The following GRIK4 variants were observed in gnomAD, a reference collection of about 807,000 sequenced individuals.
GRIK4 encodes glutamate ionotropic receptor kainate type subunit 4.
Under a neutral mutation model 104.9 loss-of-function variants are expected in GRIK4, and 40 were observed. The observed-to-expected ratio is 0.38, with a 90% CI of 0.30 to 0.50. The LOEUF is 0.50. Ranked by LOEUF, GRIK4 falls within the 20% of genes least tolerant of loss-of-function variation. GRIK4 has a pLI of 0.93. For synonymous variants in GRIK4, 485 were observed against 524.9 expected (o/e 0.92, Z 1.04); for missense variants, 1,047 against 1,308.1 (o/e 0.80, Z 3.08).
At chr11:120,934,031 C>T (rs1195149360) in intron 13 of GRIK4, among the ~76,000 whole-genome samples, 1 of 151,958 alleles carries the variant, frequency 6.6e-6, no homozygotes, top group African/African-American at 2.4e-5. Flanking sequence ...AGTGAAACCC[C>T]ATCTCTACTA....
chr11:120,546,245 G>A (rs899191226), intron 1 of GRIK4, among the ~76,000 whole-genome samples: 17 of 152,288 alleles, frequency 1.1e-4, no homozygotes, highest in Admixed American at 1.0e-3. Flanking sequence ...GAATTGGTTC[G>A]CCCCCAGTTG....
chr11:120,641,253 CT>C (rs1262374753), intron 1 of GRIK4, among the ~76,000 whole-genome samples: 1 of 151,964 alleles, frequency 6.6e-6, no homozygotes, highest in Non-Finnish European at 1.5e-5. Context: ...ATTTGGTATG[CT>C]AAAAAGTCCT....
At chr11:120,517,617 G>T (rs1268122876) in intron 1 of GRIK4, among the ~76,000 whole-genome samples, 1 of 128,782 alleles carries the variant, frequency 7.8e-6, no homozygotes, top group Non-Finnish European at 1.7e-5. Flanking sequence ...CTGAGTCACA[G>T]TGGGCATCTC....
intron 3 of GRIK4, among the ~76,000 whole-genome samples, chr11:120,789,154 C>T (rs557903684): frequency 6.6e-6 from 1 of 152,244 alleles, no homozygotes; most frequent in East Asian, 1.9e-4. Flanking sequence ...TGGGGACTCC[C>T]GGGTCTCCGT....
At chr11:120,753,939 C>G (rs1192502120) in intron 3 of GRIK4, among the ~76,000 whole-genome samples, 1 of 152,208 alleles carries the variant, frequency 6.6e-6, no homozygotes, top group Non-Finnish European at 1.5e-5. Flanking sequence ...GAAAGCCCAT[C>G]CCCTTGAGCT....
chr11:120,567,235 CTGCAGCCT>C (rs1948340961), intron 1 of GRIK4, among the ~76,000 whole-genome samples: 1 of 152,114 alleles, frequency 6.6e-6, no homozygotes, highest in Non-Finnish European at 1.5e-5. Flanking sequence ...TCATGGCTCA[CTGCAGCCT>C]TGACCTTACA....
intron 3 of GRIK4, among the ~76,000 whole-genome samples, chr11:120,703,355 T>C (rs544459070): frequency 6.6e-6 from 1 of 152,226 alleles, no homozygotes; most frequent in East Asian, 1.9e-4. Context: ...AGCATAATGT[T>C]CTAAAGGGGG....
intron 14 of GRIK4, among the ~76,000 whole-genome samples, chr11:120,947,009 A>T (rs1943875662): frequency 6.6e-6 from 1 of 152,200 alleles, no homozygotes; most frequent in Admixed American, 6.5e-5. Context: ...CCTTTGGTTA[A>T]CAAATGGGAA....
In GRIK4 at chr11:120,811,253, G is replaced by A. The variant is rs549962912; in HGVS notation, c.248-4125G>A. Among the ~76,000 whole-genome samples, 118 of 152,240 alleles carry A rather than the reference G, an allele frequency of 7.8e-4. No homozygotes were observed. The Middle Eastern group carries it at 0.01, about 13-fold the overall frequency. On this transcript the variant is annotated intron_variant, in intron 4 of 20. Coordinates refer to ENST00000527524, the MANE Select transcript of GRIK4 (RefSeq NM_014619.5). ...TATAGCATTGTATTCTTTATAATAT[G>A]TTATAAAAAGGAATACATGCTCATT...
chr11:120,979,299 T>C (rs1457437750), intron 19 of GRIK4, among the ~76,000 whole-genome samples: 1 of 152,238 alleles, frequency 6.6e-6, no homozygotes, highest in Non-Finnish European at 1.5e-5. Context: ...ATTTTTTGAT[T>C]AGATTTTTAA....
intron 16 of GRIK4, among the ~76,000 whole-genome samples, chr11:120,960,333 AAAAC>A (rs1431931901): frequency 6.6e-6 from 1 of 152,228 alleles, no homozygotes; most frequent in East Asian, 1.9e-4. Context: ...GTCTCAAAAA[AAAAC>A]AAAGAATGTA....
intron 3 of GRIK4, among the ~76,000 whole-genome samples, chr11:120,775,221 G>A (rs761289924): frequency 1.3e-5 from 2 of 152,180 alleles, no homozygotes; most frequent in Non-Finnish European, 2.9e-5. Context: ...CCAGAGCTCC[G>A]GCTGTTAAGA....
chr11:120,543,077 T>C (rs1020913965), intron 1 of GRIK4, among the ~76,000 whole-genome samples: 1 of 152,206 alleles, frequency 6.6e-6, no homozygotes, highest in African/African-American at 2.4e-5. Flanking sequence ...CCCCGTACAC[T>C]GTTGGTGGGA....
chr11:120,599,913 G>A (rs1002996326), intron 1 of GRIK4, among the ~76,000 whole-genome samples: 2 of 152,238 alleles, frequency 1.3e-5, no homozygotes, highest in African/African-American at 4.8e-5. Flanking sequence ...TGAAAGAAAG[G>A]CTTTTGGTGT....
chr11:120,841,288 C>G (rs563626540), intron 8 of GRIK4, among the ~76,000 whole-genome samples: 1 of 152,254 alleles, frequency 6.6e-6, no homozygotes, highest in African/African-American at 2.4e-5. Context: ...TGCACCCAGG[C>G]CCTGGCAACC....
At chr11:120,767,361 T>C (rs563088173) in intron 3 of GRIK4, among the ~76,000 whole-genome samples, 45 of 152,360 alleles carry the variant, frequency 3.0e-4, no homozygotes, top group African/African-American at 9.4e-4. Context: ...GAGAACCATC[T>C]GTTTGGTCCT....
chr11:120,650,702 G>C (rs1370803456), intron 1 of GRIK4, among the ~76,000 whole-genome samples: 1 of 152,202 alleles, frequency 6.6e-6, no homozygotes, highest in Non-Finnish European at 1.5e-5. Flanking sequence ...CCAGGGCCTG[G>C]AAAATTACCT....
intron 1 of GRIK4, among the ~76,000 whole-genome samples, chr11:120,618,162 A>C (rs1591743232): frequency 6.6e-6 from 1 of 152,180 alleles, no homozygotes; most frequent in Non-Finnish European, 1.5e-5. Flanking sequence ...CTGGAGTAAA[A>C]GGTCACTTTT....
intron 13 of GRIK4, among the ~76,000 whole-genome samples, chr11:120,934,049 A>AC (rs1943538658): frequency 6.6e-6 from 1 of 151,970 alleles, no homozygotes; most frequent in African/African-American, 2.4e-5. Context: ...CTAAAAATAT[A>AC]AAAAAATTAG....
Sources: allele counts gnomAD v4.1 joint callset (sites outside exome capture counted in the v4.1 genomes callset), GRCh38; gene constraint gnomAD v4.1.1; transcripts MANE v1.5; gene names NCBI Gene and HGNC (gene_info 2026-07-23, HGNC 2026-07-21).